Variants in PKIB observed in about 807,000 individuals in gnomAD.
PKIB encodes PKI-beta.
Under a neutral mutation model 4.5 loss-of-function variants are expected in PKIB, and 2 were observed. The observed-to-expected ratio is 0.44, with a 90% CI of 0.18 to 1.39. The LOEUF (loss-of-function observed/expected upper bound fraction) is 1.39. Among genes scored for constraint, PKIB ranks in the 40% most tolerant of loss-of-function variants. The pLI is 0.27. For missense variants in PKIB, 94 were observed against 92.6 expected (o/e 1.02, Z -0.06); for synonymous variants, 38 against 36.0 (o/e 1.06, Z -0.20).
In PKIB at chr6:122,532,515, ACTC is replaced by A. The variant is rs997273950; in HGVS notation, c.-247-53402_-247-53400del. 2.7e-4 allele frequency among the ~76,000 whole-genome samples: 41 copies of A among 152,072 alleles called. 1 individual carries two copies. The highest frequency in any genetic ancestry group is 7.4e-5 in the Non-Finnish European group (5 of 67,998). On this transcript the variant is annotated intron_variant, in intron 2 of 6. Transcript: ENST00000392491. ...GAAATTCTGTACTCATTAAAGAGTA[ACTC>A]CTCATTTTCCCATTCTCCTCCAGCT...
intron 2 of PKIB, among the ~76,000 whole-genome samples, chr6:122,639,758 A>G (rs1444930348): frequency 6.6e-6 from 1 of 152,200 alleles, no homozygotes; most frequent in Non-Finnish European, 1.5e-5. Flanking sequence ...AGGAGAAAAC[A>G]TTTTTGCTTA....
chr6:122,528,077 T>C (rs528720325), intron 2 of PKIB, among the ~76,000 whole-genome samples: 23 of 152,282 alleles, frequency 1.5e-4, no homozygotes, highest in African/African-American at 5.3e-4. Context: ...TAAATACTTA[T>C]GATTATTATG....
chr6:122,663,218 T>G (rs1777078683), intron 2 of PKIB, among the ~76,000 whole-genome samples: 1 of 152,204 alleles, frequency 6.6e-6, no homozygotes, highest in Non-Finnish European at 1.5e-5. Flanking sequence ...AATGTATTCT[T>G]TAATCTAAGA....
intron 2 of PKIB, among the ~76,000 whole-genome samples, chr6:122,557,308 T>G (rs1210817757): frequency 2.0e-5 from 3 of 152,200 alleles, no homozygotes. Context: ...TCTGCCTCAT[T>G]GCTTCTTTCA....
Position 122,487,088 on chromosome 6 carries a change from T to C in PKIB, c.-248+9149T>C, listed in dbSNP as rs937011063. Among the ~76,000 whole-genome samples, 8 of 152,188 alleles carry C rather than the reference T, an allele frequency of 5.3e-5. No individual in the cohort carries two copies. In the South Asian group the frequency reaches 1.0e-3, roughly 20 times the overall value. On this transcript the variant is annotated intron_variant, in intron 2 of 6. Transcript: ENST00000392491. ...CAATGTACCAAAATCAGAAAATTAA[T>C]AGGTAAAATGCTTCTTTCTACATTG...
chr6:122,685,565 TTTA>T (rs1778061578), intron 3 of PKIB, among the ~76,000 whole-genome samples: 1 of 152,140 alleles, frequency 6.6e-6, no homozygotes, highest in African/African-American at 2.4e-5. Context: ...GGTGTATATA[TTTA>T]TGGAGAACAT....
At chr6:122,529,666 C>T (rs1777195939) in intron 2 of PKIB, among the ~76,000 whole-genome samples, 1 of 152,090 alleles carries the variant, frequency 6.6e-6, no homozygotes, top group South Asian at 2.1e-4. Flanking sequence ...CTTAATTTCT[C>T]ATTCATTTTT....
intron 2 of PKIB, among the ~76,000 whole-genome samples, chr6:122,514,401 G>C (rs185752270): frequency 2.1e-3 from 313 of 152,254 alleles, no homozygotes; most frequent in Non-Finnish European, 3.6e-3. Context: ...GTACATGCTT[G>C]AAACTCAGGC....
chr6:122,544,672 AGTAG>A (rs1354359233), intron 2 of PKIB, among the ~76,000 whole-genome samples: 1 of 152,074 alleles, frequency 6.6e-6, no homozygotes, highest in Non-Finnish European at 1.5e-5. Context: ...AGAAAAGCCA[AGTAG>A]AAGAAAAATT....
chr6:122,533,777 C>T (rs1387415738), intron 2 of PKIB, among the ~76,000 whole-genome samples: 2 of 152,084 alleles, frequency 1.3e-5, no homozygotes, highest in African/African-American at 2.4e-5. Context: ...AATTTTGCTT[C>T]CTTTCTCATG....
At chr6:122,615,461 C>T (rs1774941622) in intron 1 of PKIB, among the ~76,000 whole-genome samples, 1 of 152,134 alleles carries the variant, frequency 6.6e-6, no homozygotes, top group Non-Finnish European at 1.5e-5. Flanking sequence ...TGAAGAGTGC[C>T]TCTCAGATTC....
intron 2 of PKIB, among the ~76,000 whole-genome samples, chr6:122,671,266 T>G (rs1777452660): frequency 6.7e-6 from 1 of 150,224 alleles, no homozygotes; most frequent in Admixed American, 6.6e-5. Flanking sequence ...CACTCCAGCC[T>G]GGTGACAGAG....
intron 2 of PKIB, among the ~76,000 whole-genome samples, chr6:122,556,614 C>T (rs1772850315): frequency 6.6e-6 from 1 of 152,144 alleles, no homozygotes; most frequent in Non-Finnish European, 1.5e-5. Flanking sequence ...CTGCGGGTGC[C>T]TGAAGTGTCA....
At chr6:122,546,293 A>C (rs917716581) in intron 2 of PKIB, among the ~76,000 whole-genome samples, 1 of 151,946 alleles carries the variant, frequency 6.6e-6, no homozygotes, top group Non-Finnish European at 1.5e-5. Flanking sequence ...GACCCAATAC[A>C]TCCTAAAACC....
At chr6:122,519,926 C>T (rs1350506790) in intron 2 of PKIB, among the ~76,000 whole-genome samples, 1 of 152,184 alleles carries the variant, frequency 6.6e-6, no homozygotes, top group Non-Finnish European at 1.5e-5. Flanking sequence ...TCTTTTCTTC[C>T]TCCAGCTTTT....
intron 2 of PKIB, among the ~76,000 whole-genome samples, chr6:122,538,391 A>C (rs1469035351): frequency 1.3e-5 from 2 of 152,092 alleles, no homozygotes; most frequent in African/African-American, 4.8e-5. Context: ...TCAGCTTTCT[A>C]CATATGGCTA....
chr6:122,616,662 A>G (rs1282899424), intron 1 of PKIB, among the ~76,000 whole-genome samples: 2 of 152,070 alleles, frequency 1.3e-5, no homozygotes, highest in Non-Finnish European at 2.9e-5. Context: ...TGAACATACA[A>G]TGTTTTCAAT....
At chr6:122,554,202 A>G (rs993992786) in intron 2 of PKIB, among the ~76,000 whole-genome samples, 3 of 152,222 alleles carry the variant, frequency 2.0e-5, no homozygotes, top group African/African-American at 7.2e-5. Flanking sequence ...ACTTCAAACT[A>G]TTTGTTACTT....
chr6:122,578,073 GAGAGAAACAA>G (rs1300607587), intron 2 of PKIB, among the ~76,000 whole-genome samples: 1 of 151,870 alleles, frequency 6.6e-6, no homozygotes, highest in Non-Finnish European at 1.5e-5. Context: ...TAGTTTTAAA[GAGAGAAACAA>G]TCTGATTTAT....
Sources: gnomAD v4.1 joint callset for allele counts (sites outside exome capture counted in the v4.1 genomes callset) on GRCh38, gnomAD v4.1.1 for gene constraint, MANE v1.5 for transcripts, NCBI Gene and HGNC (gene_info 2026-07-23, HGNC 2026-07-21) for gene names.